AGAP3: variants seen among roughly 807,000 people sequenced by gnomAD.
The protein encoded by AGAP3 is arf-GAP with GTPase, ANK repeat and PH domain-containing protein 3.
Under a neutral mutation model 96.9 loss-of-function variants are expected in AGAP3, and 24 were observed. That is an observed-to-expected ratio of 0.25 (90% CI 0.18 to 0.35). The LOEUF (loss-of-function observed/expected upper bound fraction) is 0.35, where lower values mean the gene tolerates loss of function less well. Among genes scored for constraint, AGAP3 ranks in the 10% least tolerant of loss-of-function variants. AGAP3 has a pLI of 1.00. For missense variants in AGAP3, 876 were observed against 1,254.2 expected (o/e 0.70, Z 4.55); for synonymous variants, 563 against 536.1 (o/e 1.05, Z -0.69).
chr7:151,089,517 A>T (rs1227289489), intron 1 of AGAP3, among the ~76,000 whole-genome samples: 1 of 152,016 alleles, frequency 6.6e-6, no homozygotes, highest in Non-Finnish European at 1.5e-5. Context: ...GACTTCGGTG[A>T]AGGGTTTGTT....
At chr7:151,090,245 G>C (rs901252663) in intron 1 of AGAP3, 18 of 152,534 alleles carry the variant, frequency 1.2e-4, no homozygotes, top group African/African-American at 4.1e-4. Flanking sequence ...ATGGGGGGGG[G>C]GGGCTCCCGC....
chr7:151,092,395 T>C (rs1415695988), intron 1 of AGAP3, among the ~76,000 whole-genome samples: 1 of 152,250 alleles, frequency 6.6e-6, no homozygotes, highest in Non-Finnish European at 1.5e-5. Context: ...TGCAGGTAAC[T>C]GGAAATTAGT....
chr7:151,092,066 A>C (rs963873546), intron 1 of AGAP3, among the ~76,000 whole-genome samples: 36 of 151,982 alleles, frequency 2.4e-4, no homozygotes, highest in African/African-American at 8.7e-4. Flanking sequence ...TCCAGTATTT[A>C]TTTCCACCCT....
intron 9 of AGAP3, among the ~76,000 whole-genome samples, chr7:151,126,358 AGCAGAGCAGAGCGGAGCGGG>A (rs1423219817): frequency 1.1e-4 from 1 of 9,006 alleles, no homozygotes; most frequent in Non-Finnish European, 1.7e-4. Flanking sequence ...AGCAGAGCGG[AGCAGAGCAGAGCGGAGCGGG>A]GCGGGGCGGG....
At chr7:151,126,010 G>A (rs989659979) in intron 9 of AGAP3, among the ~76,000 whole-genome samples, 1 of 151,264 alleles carries the variant, frequency 6.6e-6, no homozygotes, top group Non-Finnish European at 1.5e-5. Flanking sequence ...GAAGAGGCAC[G>A]GGCTAGGCGG....
chr7:151,143,221 C>A lies in AGAP3; in HGVS notation c.2274-120C>A. On this transcript the variant is annotated intron_variant, in intron 16 of 17. Transcript: ENST00000397238. This position sits in a 1 kb window ranked among gnomAD's most constrained non-coding sequence, Gnocchi z 5.9. ...CTTCCTTTTTGCTCCATCTCATCTT[C>A]TCTCACTGTTTCTTCCTTGTTCCCC... The A allele has an allele frequency of 7.9e-7, 1 of 1,262,940 alleles. No homozygotes were observed. Among genetic ancestry groups the A allele is most frequent in the Non-Finnish European group, 1.1e-6 (1 of 919,336 alleles). 78.2% of individuals were successfully genotyped at this position (1,262,940 alleles called of 1,614,324 possible).
intron 9 of AGAP3, among the ~76,000 whole-genome samples, chr7:151,126,769 C>G (rs1357225643): frequency 6.6e-6 from 1 of 152,216 alleles, no homozygotes; most frequent in South Asian, 2.1e-4. Flanking sequence ...CTGGAAGACT[C>G]CTTCGCAGAC....
At position 151,122,964 on chromosome 7, in the gene AGAP3, C is replaced by G. The variant is rs950815693; in HGVS notation, c.1129-830C>G. 2.1e-6 allele frequency: 3 copies of G among 1,433,818 alleles called. No individual in the cohort carries two copies. The African/African-American group carries it at 4.3e-5, about 21-fold the overall frequency. The allele number at this position is 1,433,818 out of a possible 1,614,324, so 88.8% of individuals were successfully genotyped here. On this transcript the variant is annotated intron_variant, in intron 8 of 17. Transcript: ENST00000397238. ...CAGGGAAGGCTAGGAGCGCCGGAGC[C>G]CGCGCTGGGGGCTGCCGGGGACCAG...
At position 151,140,262 on chromosome 7, in the gene AGAP3, G is replaced by A. The variant is rs570179741; in HGVS notation, c.1804+146G>A. On this transcript the variant is annotated intron_variant, in intron 13 of 17. Transcript: ENST00000397238. The surrounding 1 kb of genome is among the most constrained non-coding windows in gnomAD (Gnocchi z 5.4). The stretch of plus-strand genomic sequence containing the variant: ...AGTTGCTAATCAAAGTAGTTCTACA[G>A]CTTCTTTTGGTAATCTAGACCTGGT... The A allele has an allele frequency of 6.7e-5, 64 of 955,926 alleles. No individual in the cohort carries two copies. In the African/African-American group the frequency reaches 7.7e-4, roughly 11 times the overall value. The allele number at this position is 955,926 out of a possible 1,614,324, so 59.2% of individuals were successfully genotyped here. A position where few individuals can be genotyped will look rare whatever the true frequency, so the allele number is the denominator to read the frequency against.
At chr7:151,105,401 C>G (rs1272245319) in intron 1 of AGAP3, among the ~76,000 whole-genome samples, 1 of 152,138 alleles carries the variant, frequency 6.6e-6, no homozygotes, top group Non-Finnish European at 1.5e-5. Flanking sequence ...TATTTTCTTG[C>G]ATTTTTTATA....
intron 10 of AGAP3, among the ~76,000 whole-genome samples, chr7:151,130,641 C>T (rs1239514032): frequency 6.6e-6 from 1 of 152,106 alleles, no homozygotes; most frequent in Non-Finnish European, 1.5e-5. Context: ...TTAGAATTCA[C>T]CCTGCAAGGC....
intron 9 of AGAP3, among the ~76,000 whole-genome samples, chr7:151,125,681 C>T (rs1272878303): frequency 6.6e-6 from 1 of 152,238 alleles, no homozygotes; most frequent in Non-Finnish European, 1.5e-5. Flanking sequence ...CCAGCCCCGC[C>T]AGATCTGCAG....
At chr7:151,116,701 TGG>T in intron 1 of AGAP3, 90 bp from the exon 2 acceptor site, 1 of 1,448,730 alleles carries the variant, frequency 6.9e-7, no homozygotes, top group Non-Finnish European at 9.7e-7. Context: ...GGCCTGGGCT[TGG>T]GGAGGGCATC....
intron 1 of AGAP3, among the ~76,000 whole-genome samples, chr7:151,109,588 C>T (rs1226531292): frequency 6.6e-6 from 1 of 152,192 alleles, no homozygotes; most frequent in Non-Finnish European, 1.5e-5. Flanking sequence ...AGGGCCCACC[C>T]TACTCAAGTA....
At position 151,118,646 on chromosome 7, in the gene AGAP3, C is replaced by T. The variant is rs1355822071; in HGVS notation, c.969+14C>T. 1 of 1,609,572 alleles carries T rather than the reference C, an allele frequency of 6.2e-7. No individual in the cohort carries two copies. Among genetic ancestry groups the T allele is most frequent in the Non-Finnish European group, 8.5e-7 (1 of 1,179,108 alleles). Reference sequence around the variant, plus strand: ...CACATCAACCAGGTTCGGCCTGTGCCCCGCCCTGCCCTTCCTGTCCCCACC... The same window carrying T: ...CACATCAACCAGGTTCGGCCTGTGCTCCGCCCTGCCCTTCCTGTCCCCACC... On this transcript the variant is annotated intron_variant, in intron 7 of 17. Transcript: ENST00000397238. This position sits in a 1 kb window ranked among gnomAD's most constrained non-coding sequence, Gnocchi z 6.1.
At chr7:151,123,936 A>C in intron 9 of AGAP3, 50 bp downstream of exon 9, 6 of 1,564,118 alleles carry the variant, frequency 3.8e-6, no homozygotes, top group Non-Finnish European at 4.3e-6. Flanking sequence ...GAGGCCCAGG[A>C]ATGTGGCGCT....
intron 11 of AGAP3, among the ~76,000 whole-genome samples, chr7:151,135,414 G>A (rs1227357259): frequency 1.3e-5 from 2 of 152,244 alleles, no homozygotes; most frequent in East Asian, 1.9e-4. Context: ...TAGAGGGCCT[G>A]TGCTTGTCAC....
intron 11 of AGAP3, among the ~76,000 whole-genome samples, chr7:151,136,020 C>G (rs920826284): frequency 2.6e-5 from 4 of 152,184 alleles, no homozygotes; most frequent in African/African-American, 9.7e-5. Context: ...TGGGGCTGTG[C>G]CAGTGGGGGA....
At chr7:151,120,188 A>C in intron 8 of AGAP3, 43 bp downstream of exon 8, 1 of 1,560,558 alleles carries the variant, frequency 6.4e-7, no homozygotes, top group Non-Finnish European at 8.7e-7. Flanking sequence ...CCTTTGCTGC[A>C]CAGGCAGGGC....
Sources: gnomAD v4.1 joint callset for allele counts (sites outside exome capture counted in the v4.1 genomes callset) on GRCh38, gnomAD v4.1.1 for gene constraint, Gnocchi (gnomAD v3.1) non-coding constraint, MANE v1.5 for transcripts, NCBI Gene and HGNC (gene_info 2026-07-23, HGNC 2026-07-21) for gene names.